Variants in MICU2 observed in about 807,000 individuals in gnomAD.
MICU2 encodes the protein mitochondrial calcium uptake 2.
MICU2 carries 64 observed loss-of-function variants against 60.4 expected under a neutral mutation model. The observed-to-expected ratio is 1.06, with a 90% CI of 0.87 to 1.31. The LOEUF (loss-of-function observed/expected upper bound fraction) is 1.31, where lower values mean the gene tolerates loss of function less well. MICU2 is among the 50% of genes most tolerant of loss of function. The pLI, the probability that MICU2 is intolerant of heterozygous loss-of-function variation, is 0.00. For synonymous variants in MICU2, 201 were observed against 175.0 expected (o/e 1.15, Z -1.17); for missense variants, 569 against 531.0 (o/e 1.07, Z -0.70).
intron 4 of MICU2, among the ~76,000 whole-genome samples, chr13:21,531,487 C>T (rs1886998354): frequency 6.6e-6 from 1 of 152,182 alleles, no homozygotes; most frequent in African/African-American, 2.4e-5. Context: ...GCTGCTGCTA[C>T]TCAGACTAGC....
At chr13:21,507,243 G>T (rs908108812) in intron 8 of MICU2, among the ~76,000 whole-genome samples, 2 of 152,124 alleles carry the variant, frequency 1.3e-5, no homozygotes, top group African/African-American at 4.8e-5. Context: ...TTTAAAGTAA[G>T]AATTCTAAAC....
intron 9 of MICU2, among the ~76,000 whole-genome samples, chr13:21,500,141 C>T (rs919935763): frequency 8.0e-6 from 1 of 125,570 alleles, no homozygotes; most frequent in Non-Finnish European, 1.8e-5. Flanking sequence ...CTACCTGGGC[C>T]TCTCAGCATC....
At chr13:21,583,514 C>A (rs1888394913) in intron 1 of MICU2, among the ~76,000 whole-genome samples, 2 of 152,160 alleles carry the variant, frequency 1.3e-5, no homozygotes, top group Non-Finnish European at 2.9e-5. Flanking sequence ...ACAGACAAGT[C>A]TTTCATATAT....
At chr13:21,587,281 C>T (rs1888480383) in intron 1 of MICU2, among the ~76,000 whole-genome samples, 1 of 152,094 alleles carries the variant, frequency 6.6e-6, no homozygotes, top group Non-Finnish European at 1.5e-5. Flanking sequence ...GGACAAAGCC[C>T]TATGAAGCCA....
intron 6 of MICU2, among the ~76,000 whole-genome samples, chr13:21,517,329 A>T (rs78971827): frequency 0.042 from 6,407 of 152,280 alleles, 437 homozygotes; most frequent in African/African-American, 0.15. Context: ...AGTGATTCTC[A>T]TTACTTTTGT....
intron 9 of MICU2, among the ~76,000 whole-genome samples, chr13:21,501,085 A>T (rs895826398): frequency 8.5e-5 from 13 of 152,110 alleles, no homozygotes; most frequent in African/African-American, 2.9e-4. Context: ...GAATTATCCT[A>T]CTGCCATTTA....
intron 1 of MICU2, among the ~76,000 whole-genome samples, chr13:21,569,482 T>A (rs1888057508): frequency 6.6e-6 from 1 of 152,062 alleles, no homozygotes; most frequent in African/African-American, 2.4e-5. Flanking sequence ...TTAGGAAATA[T>A]GCAGAGGAAG....
chr13:21,512,947 T>C (rs901753554), intron 7 of MICU2, among the ~76,000 whole-genome samples: 2 of 152,158 alleles, frequency 1.3e-5, no homozygotes, highest in African/African-American at 4.8e-5. Flanking sequence ...TATCCAGTTG[T>C]ACCAGCAACA....
intron 1 of MICU2, among the ~76,000 whole-genome samples, chr13:21,583,140 A>G (rs2138059933): frequency 6.6e-6 from 1 of 152,280 alleles, no homozygotes; most frequent in Non-Finnish European, 1.5e-5. Flanking sequence ...CTGTAGTCCT[A>G]GCTACTCGAG....
intron 11 of MICU2, among the ~76,000 whole-genome samples, chr13:21,494,530 A>C (rs1027479054): frequency 2.6e-4 from 39 of 152,190 alleles, no homozygotes; most frequent in African/African-American, 9.4e-4. Flanking sequence ...TCTAACAATA[A>C]TGCTTTCTGG....
At chr13:21,597,701 G>A (rs981177762) in intron 1 of MICU2, among the ~76,000 whole-genome samples, 8 of 152,092 alleles carry the variant, frequency 5.3e-5, no homozygotes, top group African/African-American at 1.4e-4. Context: ...GGAGGCCGAG[G>A]CGGGTGGATC....
Position 21,604,120 on chromosome 13 carries a change from C to G in MICU2, c.29G>C (p.Arg10Pro), listed in dbSNP as rs1312113324. Residue 10 changes from arginine (R) to proline (P), a missense_variant, in exon 1 of 12, where the codon CGG becomes CCG. By Grantham distance (103) the Arg-to-Pro change is moderately radical (BLOSUM62 -2). Coordinates refer to ENST00000382374, the MANE Select transcript of MICU2 (RefSeq NM_152726.3). MAAAAGSCA[R>P]VAAWGGKLRR... ...CAGTTTTCCGCCCCAGGCCGCCACC[C>G]GCGCGCAGCTACCCGCAGCCGCCGC... 1 of 1,574,470 alleles carries G rather than the reference C, an allele frequency of 6.4e-7. No homozygotes were observed. The highest frequency in any genetic ancestry group is 8.6e-7 in the Non-Finnish European group (1 of 1,162,192).
At chr13:21,568,949 T>C (rs1456048710) in intron 1 of MICU2, among the ~76,000 whole-genome samples, 1 of 152,182 alleles carries the variant, frequency 6.6e-6, no homozygotes, top group Non-Finnish European at 1.5e-5. Context: ...GATAACATTT[T>C]TGAAGAGGCT....
intron 2 of MICU2, among the ~76,000 whole-genome samples, chr13:21,564,337 T>C (rs957691834): frequency 1.3e-5 from 2 of 152,212 alleles, no homozygotes; most frequent in Non-Finnish European, 2.9e-5. Context: ...GCTGTAGTTG[T>C]AGGTGACAGA....
At chr13:21,548,617 G>C (rs1034846404) in intron 2 of MICU2, among the ~76,000 whole-genome samples, 1 of 152,176 alleles carries the variant, frequency 6.6e-6, no homozygotes, top group Non-Finnish European at 1.5e-5. Flanking sequence ...TTTACCCAAG[G>C]TTACAACGGG....
intron 2 of MICU2, among the ~76,000 whole-genome samples, chr13:21,544,506 A>C (rs1887359547): frequency 7.3e-6 from 1 of 136,274 alleles, no homozygotes; most frequent in Admixed American, 8.0e-5. Flanking sequence ...AAAATGACCA[A>C]TAAACACATG....
At chr13:21,533,491 T>A (rs1031637905) in intron 4 of MICU2, among the ~76,000 whole-genome samples, 2 of 151,210 alleles carry the variant, frequency 1.3e-5, no homozygotes, top group African/African-American at 4.9e-5. Context: ...GCCCGGCTGA[T>A]TTTTTGTATT....
chr13:21,581,918 A>G (rs1473933389), intron 1 of MICU2, among the ~76,000 whole-genome samples: 1 of 152,192 alleles, frequency 6.6e-6, no homozygotes, highest in African/African-American at 2.4e-5. Context: ...TGCTACACAA[A>G]ATTTTTTAAT....
chr13:21,545,324 G>A (rs1887388282), intron 2 of MICU2, among the ~76,000 whole-genome samples: 1 of 152,204 alleles, frequency 6.6e-6, no homozygotes, highest in Non-Finnish European at 1.5e-5. Flanking sequence ...TATGCTAAGT[G>A]AAATCAAGCC....
Sources: allele counts gnomAD v4.1 joint callset (sites outside exome capture counted in the v4.1 genomes callset), GRCh38; gene constraint gnomAD v4.1.1; transcripts MANE v1.5; gene names NCBI Gene and HGNC (gene_info 2026-07-23, HGNC 2026-07-21).